Variants in HEATR5B observed in about 807,000 individuals in gnomAD.
HEATR5B encodes HEAT repeat-containing protein 5B.
In HEATR5B, 156 loss-of-function variants were observed where a neutral mutation model predicts 224.1. The observed-to-expected ratio is 0.70, with a 90% CI of 0.61 to 0.80. HEATR5B has a LOEUF of 0.80. HEATR5B is among the 30% of genes least tolerant of loss of function. The pLI is 0.00. For synonymous variants in HEATR5B, 1,027 were observed against 893.0 expected (o/e 1.15, Z -2.68); for missense variants, 2,323 against 2,535.5 (o/e 0.92, Z 1.80).
chr2:36,984,215 A>AAAAAAAAAAAAAAAAAAAAAAT, intron 35 of HEATR5B, among the ~76,000 whole-genome samples: 4 of 77,642 alleles, frequency 5.2e-5, no homozygotes, highest in African/African-American at 2.3e-4. Flanking sequence ...AAAAAAAAAA[A>AAAAAAAAAAAAAAAAAAAAAAT]ATATATATAT....
intron 3 of HEATR5B, among the ~76,000 whole-genome samples, chr2:37,077,809 C>G (rs1672325298): frequency 6.6e-6 from 1 of 152,186 alleles, no homozygotes; most frequent in South Asian, 2.1e-4. Context: ...GAATATAGCT[C>G]ACATATTTGC....
chr2:37,015,392 A>G (rs916587361), intron 26 of HEATR5B, among the ~76,000 whole-genome samples: 5 of 152,230 alleles, frequency 3.3e-5, no homozygotes, highest in African/African-American at 1.2e-4. Context: ...ACAGTAAGTA[A>G]TATGTTAAGT....
chr2:37,063,645 T>G (rs1671417326), intron 10 of HEATR5B, among the ~76,000 whole-genome samples: 1 of 152,112 alleles, frequency 6.6e-6, no homozygotes, highest in African/African-American at 2.4e-5. Context: ...TGAATGGACA[T>G]GGGCTTAATG....
At position 37,020,829 on chromosome 2, in the gene HEATR5B, G is replaced by T. The variant is rs1394420286; in HGVS notation, c.3861C>A (p.Leu1287=). The change falls in exon 25 of 36, where the codon CTC becomes CTA. Residue 1287 remains leucine, a synonymous_variant. Transcript: ENST00000233099. Reference sequence around the variant, plus strand: ...TGAGGTCAGAGAGATGAAGTACCAAGAGGTCATCTAAAAATAAAAATAGAA... The same window carrying T: ...TGAGGTCAGAGAGATGAAGTACCAATAGGTCATCTAAAAATAAAAATAGAA... ...SAKLRNPTND[L]LVLHLSDLIR... is the part of the protein sequence containing the mutation. 6.7e-7 allele frequency: 1 copy of T among 1,498,336 alleles called. No individual in the cohort carries two copies. The highest frequency in any genetic ancestry group is 1.4e-5 in the African/African-American group (1 of 70,094). 92.8% of individuals were successfully genotyped at this position (1,498,336 alleles called of 1,614,324 possible).
At chr2:36,991,023 C>T (rs1666292299) in intron 33 of HEATR5B, among the ~76,000 whole-genome samples, 1 of 151,948 alleles carries the variant, frequency 6.6e-6, no homozygotes. Flanking sequence ...TCTCTCTCTC[C>T]CCACAACATT....
chr2:37,072,430 A>G, intron 5 of HEATR5B, 149 bp from the exon 6 acceptor site: 1 of 562,378 alleles, frequency 1.8e-6, no homozygotes, highest in South Asian at 2.5e-5. Context: ...ACTGGACATC[A>G]GGCAATGAAG....
intron 12 of HEATR5B, 54 bp downstream of exon 12, chr2:37,060,527 C>A (rs1336111668): frequency 2.1e-6 from 3 of 1,403,778 alleles, no homozygotes; most frequent in Non-Finnish European, 2.9e-6. Context: ...TTTTACTTTA[C>A]AAATATTTTA....
chr2:37,002,462 A>G lies in HEATR5B; in HGVS notation c.5161T>C (p.Phe1721Leu), dbSNP rs1314495981. 1 of 1,614,218 alleles carries G rather than the reference A, an allele frequency of 6.2e-7. No individual in the cohort carries two copies. Among genetic ancestry groups the G allele is most frequent in the African/African-American group, 1.3e-5 (1 of 75,054 alleles). The change falls in exon 32 of 36, where the codon TTC becomes CTC. Residue 1721 changes from phenylalanine to leucine, a missense_variant. Phe to Leu is a conservative substitution (Grantham distance 22). This residue lies in a region of HEATR5B where 844 missense variants were observed against 812.9 expected (regional missense o/e 1.04). Coordinates refer to ENST00000233099, the MANE Select transcript of HEATR5B (RefSeq NM_019024.3). The part of the protein sequence containing the change: ...LVFATMELLM[F>L]ILVRHMPHLS... ...TGTGGCATATGCCGTACTAAAATGA[A>G]CATCAGCAGCTCCATAGTTGCAAAC...
chr2:37,044,125 G>T (rs1670042296), intron 18 of HEATR5B, among the ~76,000 whole-genome samples: 1 of 152,070 alleles, frequency 6.6e-6, no homozygotes, highest in South Asian at 2.1e-4. Context: ...AATCCAATAT[G>T]TATTACACAC....
chr2:37,026,566 C>T (rs533347106), intron 24 of HEATR5B, among the ~76,000 whole-genome samples: 2 of 152,160 alleles, frequency 1.3e-5, no homozygotes, highest in Non-Finnish European at 2.9e-5. Flanking sequence ...TACTGGGACA[C>T]GCCATAACTA....
intron 14 of HEATR5B, among the ~76,000 whole-genome samples, chr2:37,058,201 T>C (rs1671031779): frequency 6.6e-6 from 1 of 152,148 alleles, no homozygotes; most frequent in South Asian, 2.1e-4. Flanking sequence ...TCTGAGATTC[T>C]TCATCTATAA....
intron 22 of HEATR5B, 149 bp downstream of exon 22, chr2:37,032,480 T>G: frequency 8.8e-6 from 7 of 795,842 alleles, no homozygotes; most frequent in Non-Finnish European, 9.5e-6. Context: ...GAAAACCACA[T>G]TGGAATTTTA....
At position 37,053,574 on chromosome 2, in the gene HEATR5B, A is replaced by C; in HGVS notation, c.2433T>G (p.Val811=). Residue 811 remains valine, a synonymous_variant, in exon 17 of 36, where the codon GTT becomes GTG. Coordinates refer to ENST00000233099, the MANE Select transcript of HEATR5B (RefSeq NM_019024.3). ...GCTGGCGGACACCTTTAGCTTGTTT[A>C]ACACATTCAGCAAAGTGATCCAACA... ...LQMLDHFAEC[V]KQAKGVRQQA... is the part of the protein sequence containing the mutation. 6.2e-7 allele frequency: 1 copy of C among 1,607,918 alleles called. No individual in the cohort carries two copies. The highest frequency in any genetic ancestry group is 8.5e-7 in the Non-Finnish European group (1 of 1,175,494).
Position 37,060,587 on chromosome 2 carries a change from G to C in HEATR5B, c.1843C>G (p.Leu615Val). The C allele has an allele frequency of 1.2e-6, 2 of 1,612,436 alleles. No homozygotes were observed. Among genetic ancestry groups the C allele is most frequent in the Non-Finnish European group, 1.7e-6 (2 of 1,179,040 alleles). Residue 615 changes from leucine to valine, a missense_variant, in exon 12 of 36, where the codon CTA (leucine) becomes GTA (valine). By Grantham distance (32) the Leu-to-Val change is conservative (BLOSUM62 1). This residue lies in a region of HEATR5B where 502 missense variants were observed against 517.8 expected (regional missense o/e 0.97). Coordinates refer to ENST00000233099, the MANE Select transcript of HEATR5B (RefSeq NM_019024.3). Reference protein sequence around the residue: ...QVTLEGRAGALCAMRSFVAHC... With the variant: ...QVTLEGRAGAVCAMRSFVAHC... ...CAATCCTTTCAGTTCTTACCACATA[G>C]AGCTCCAGCACGACCTTCCAAAGTT...
In HEATR5B at chr2:37,008,784, T is replaced by A. The variant is rs142362182; in HGVS notation, c.4349A>T (p.Asn1450Ile). The change falls in exon 28 of 36, where the codon AAT becomes ATT. Residue 1450 changes from asparagine (N) to isoleucine (I), a missense_variant. Physicochemically the swap from Asn to Ile is moderately radical, Grantham distance 149. Transcript: ENST00000233099. The stretch of plus-strand genomic sequence containing the variant: ...ACAGTCGTCATCATCATCGTCAGTA[T>A]TTTTAATTGCTCTTTTTGGTTTTGA... Reference protein sequence around the residue: ...AESKPKRAIKNTDDDDDDCGT... With the variant: ...AESKPKRAIKITDDDDDDCGT... 119 of 1,614,120 alleles carry A rather than the reference T, an allele frequency of 7.4e-5. No individual in the cohort carries two copies. In the African/African-American group the frequency reaches 1.4e-3, roughly 19 times the overall value.
chr2:37,055,644 G>A (rs1335865250), intron 16 of HEATR5B, among the ~76,000 whole-genome samples: 1 of 152,076 alleles, frequency 6.6e-6, no homozygotes, highest in Non-Finnish European at 1.5e-5. Context: ...TGTAATTTTT[G>A]TAGAGATGAG....
intron 33 of HEATR5B, 137 bp downstream of exon 33, chr2:37,000,449 C>A: frequency 1.5e-6 from 1 of 673,382 alleles, no homozygotes; most frequent in Non-Finnish European, 2.6e-6. Context: ...AAGTTCACAT[C>A]TGAAAGATAT....
At chr2:37,002,260 G>C (rs759507865) in intron 32 of HEATR5B, 46 bp downstream of exon 32, 1 of 1,594,002 alleles carries the variant, frequency 6.3e-7, no homozygotes, top group South Asian at 1.1e-5. Flanking sequence ...GCTCATCTTT[G>C]TCTACTGTAA....
Position 37,032,796 on chromosome 2 carries a change from G to T in HEATR5B, c.3217-23C>A, listed in dbSNP as rs781452803. 39 of 1,602,772 alleles carry T rather than the reference G, an allele frequency of 2.4e-5. No homozygotes were observed. In the East Asian group the frequency reaches 8.7e-4, roughly 36 times the overall value. On this transcript the variant is annotated intron_variant, in intron 21 of 35. Coordinates refer to ENST00000233099, the MANE Select transcript of HEATR5B (RefSeq NM_019024.3). ...AACCTGTAAATCATAACAATGTTAGGCGATTTCTCTTTAAAAAGCTGTAAT... is the reference window on the plus strand; with the variant it reads ...AACCTGTAAATCATAACAATGTTAGTCGATTTCTCTTTAAAAAGCTGTAAT...
Sources: allele counts gnomAD v4.1 joint callset (sites outside exome capture counted in the v4.1 genomes callset), GRCh38; gene constraint gnomAD v4.1.1; regional missense constraint gnomAD v4.1.1; transcripts MANE v1.5; gene names NCBI Gene and HGNC (gene_info 2026-07-23, HGNC 2026-07-21).